The following ATAD3A variants were observed in gnomAD, a reference collection of about 807,000 sequenced individuals.
The protein encoded by ATAD3A is ATPase family AAA domain-containing protein 3A.
In ATAD3A, 46 loss-of-function variants were observed where a neutral mutation model predicts 73.8. That is an observed-to-expected ratio of 0.62 (90% CI 0.49 to 0.80). ATAD3A has a LOEUF of 0.80. ATAD3A is among the 30% of genes least tolerant of loss of function. The pLI, the probability that ATAD3A is intolerant of heterozygous loss-of-function variation, is 0.00. For synonymous variants in ATAD3A, 319 were observed against 350.0 expected (o/e 0.91, Z 0.99); for missense variants, 705 against 838.0 (o/e 0.84, Z 1.96).
chr1:1,514,054 G>A (rs1300349303), intron 1 of ATAD3A, among the ~76,000 whole-genome samples: 2 of 152,114 alleles, frequency 1.3e-5, no homozygotes, highest in Non-Finnish European at 2.9e-5. Flanking sequence ...GGAGAGCCTC[G>A]TGCCCTGTGG....
At chr1:1,526,376 A>G in intron 12 of ATAD3A, 85 bp from the exon 13 acceptor site, 10 of 1,567,400 alleles carry the variant, frequency 6.4e-6, no homozygotes, top group Non-Finnish European at 8.6e-6. Context: ...TGCTCCCTGC[A>G]GGAGGGAGGC....
chr1:1,529,311 C>A lies in ATAD3A; in HGVS notation c.1594C>A (p.Gln532Lys). The A allele has an allele frequency of 6.3e-7, 1 of 1,595,946 alleles. No homozygotes were observed. The highest frequency in any genetic ancestry group is 8.5e-7 in the Non-Finnish European group (1 of 1,172,306). ...TEGMSGREIA[Q>K]LAVSWQATAY... ...GGGCATGTCGGGCCGGGAGATCGCT[C>A]AGCTGGCCGTGTCCTGGCAGGTGAG... The change falls in exon 15 of 16, where the codon CAG (glutamine) becomes AAG (lysine). Residue 532 changes from glutamine (Q) to lysine (K), a missense_variant. Physicochemically the swap from Gln to Lys is moderately conservative, Grantham distance 53. Around this residue, in one of 5 missense-constraint regions of ATAD3A, gnomAD observed 252 missense variants for 278.5 expected, o/e 0.90. Transcript: ENST00000378756.
Position 1,522,831 on chromosome 1 carries a change from G to A in ATAD3A, c.838G>A (p.Gly280Arg). 1 of 1,610,704 alleles carries A rather than the reference G, an allele frequency of 6.2e-7. No homozygotes were observed. The highest frequency in any genetic ancestry group is 8.5e-7 in the Non-Finnish European group (1 of 1,179,728). The stretch of plus-strand genomic sequence containing the variant: ...CGGCCGCTTCATCGAGGCTCGGCTG[G>A]GGAAGCCGTCCCTAGTGAGGGAGAC... ...VAGRFIEARL[G>R]KPSLVRETSR... The change falls in exon 8 of 16, where the codon GGG (glycine) becomes AGG (arginine). Residue 280 changes from glycine (G) to arginine (R), a missense_variant. Gly to Arg is a moderately radical substitution (Grantham distance 125). Coordinates refer to ENST00000378756, the MANE Select transcript of ATAD3A (RefSeq NM_001170535.3).
At chr1:1,521,554 CGTG>C (rs1641601222) in intron 7 of ATAD3A, among the ~76,000 whole-genome samples, 1 of 152,176 alleles carries the variant, frequency 6.6e-6, no homozygotes, top group South Asian at 2.1e-4. Context: ...CTTGCTCTGC[CGTG>C]GTGCCGGCGC....
intron 15 of ATAD3A, 62 bp from the exon 16 acceptor site, chr1:1,533,864 G>A: frequency 1.3e-6 from 2 of 1,576,394 alleles, no homozygotes; most frequent in Admixed American, 1.8e-5. Context: ...CGGGGCCCTG[G>A]CGTGCATTTG....
chr1:1,531,757 G>A (rs565108243), intron 15 of ATAD3A, among the ~76,000 whole-genome samples: 36 of 151,874 alleles, frequency 2.4e-4, no homozygotes, highest in Admixed American at 1.5e-3. Context: ...CAGCCTGGGC[G>A]ACAGAGCAAG....
At chr1:1,532,617 C>T (rs1234269891) in intron 15 of ATAD3A, among the ~76,000 whole-genome samples, 2 of 152,200 alleles carry the variant, frequency 1.3e-5, no homozygotes, top group East Asian at 1.9e-4. Flanking sequence ...CTGCCAGGTC[C>T]CGTGCTTCCT....
intron 14 of ATAD3A, 57 bp downstream of exon 14, chr1:1,527,919 G>T: frequency 2.0e-6 from 3 of 1,524,300 alleles, no homozygotes; most frequent in South Asian, 1.2e-5. Flanking sequence ...GGTCCACCCC[G>T]ACCCACAGTC....
In ATAD3A at chr1:1,520,111, G is replaced by A; in HGVS notation, c.515-30G>A. ...GGAGGTGGACGCGCTGCACTGCATG[G>A]TGCTGAGCTGCCCTGCCTCTCTGGG... On this transcript the variant is annotated intron_variant, in intron 5 of 15. Coordinates refer to ENST00000378756, the MANE Select transcript of ATAD3A (RefSeq NM_001170535.3). The surrounding 1 kb of genome is among the most constrained non-coding windows in gnomAD (Gnocchi z 4.0). The A allele has an allele frequency of 1.9e-6, 3 of 1,600,996 alleles. No individual in the cohort carries two copies. Among genetic ancestry groups the A allele is most frequent in the Non-Finnish European group, 1.7e-6 (2 of 1,175,880 alleles).
Position 1,534,293 on chromosome 1 carries a change from C to A in ATAD3A, c.*221C>A, listed in dbSNP as rs1425764493. 3.1e-5 allele frequency: 45 copies of A among 1,442,324 alleles called. No homozygotes were observed. The highest frequency in any genetic ancestry group is 4.0e-5 in the Non-Finnish European group (44 of 1,105,860). The allele number at this position is 1,442,324 out of a possible 1,614,324, so 89.3% of individuals were successfully genotyped here. ...AGGGAGGGGCAGGCCTCCTTCCTGC[C>A]CCTCGAGACACTCTTGGGAGATGCA... On this transcript the variant is annotated 3_prime_UTR_variant, in exon 16 of 16. Coordinates refer to ENST00000378756, the MANE Select transcript of ATAD3A (RefSeq NM_001170535.3).
chr1:1,512,354 C>T lies in ATAD3A; in HGVS notation c.86C>T (p.Ala29Val). Residue 29 changes from alanine (A) to valine (V), a missense_variant, in exon 1 of 16, where the codon GCC (alanine) becomes GTC (valine). Physicochemically the swap from Ala to Val is moderately conservative, Grantham distance 64 (BLOSUM62 0). Around this residue, in one of 5 missense-constraint regions of ATAD3A, gnomAD observed 125 missense variants for 170.6 expected, o/e 0.73. Transcript: ENST00000378756. ...CCTTTGCCGCCCGCGCAGCCCGGGG[C>T]CGAGGGCGGCGGGGACCGCGGGTTG... ...PPPLPPAQPG[A>V]EGGGDRGLGD... 1 of 1,243,464 alleles carries T rather than the reference C, an allele frequency of 8.0e-7. No individual in the cohort carries two copies. The highest frequency in any genetic ancestry group is 1.0e-6 in the Non-Finnish European group (1 of 989,600). 77.0% of individuals were successfully genotyped at this position (1,243,464 alleles called of 1,614,324 possible).
In ATAD3A at chr1:1,520,585, T is replaced by G; in HGVS notation, c.718T>G (p.Phe240Val). The change falls in exon 7 of 16, where the codon TTT becomes GTT. Residue 240 changes from phenylalanine to valine, a missense_variant. Physicochemically the swap from Phe to Val is conservative, Grantham distance 50. Around this residue, in one of 5 missense-constraint regions of ATAD3A, gnomAD observed 315 missense variants for 334.1 expected, o/e 0.94. Transcript: ENST00000378756. The surrounding 1 kb of genome is among the most constrained non-coding windows in gnomAD (Gnocchi z 4.0). ...CTTGTTTGGGGAAGGATTCCGTGCCTTTGTGACAGACTGGGACAAAGTGAC... is the reference window on the plus strand; with the variant it reads ...CTTGTTTGGGGAAGGATTCCGTGCCGTTGTGACAGACTGGGACAAAGTGAC... ...GTLFGEGFRAFVTDWDKVTAT... is the reference protein window; with the variant it reads ...GTLFGEGFRAVVTDWDKVTAT... 1 of 1,613,794 alleles carries G rather than the reference T, an allele frequency of 6.2e-7. No homozygotes were observed. The highest frequency in any genetic ancestry group is 8.5e-7 in the Non-Finnish European group (1 of 1,179,886).
chr1:1,516,899 A>G (rs1323925829), intron 2 of ATAD3A, among the ~76,000 whole-genome samples: 3 of 151,466 alleles, frequency 2.0e-5, no homozygotes. Context: ...TTTAGTAGAG[A>G]TGGGGTTTCA....
In ATAD3A at chr1:1,534,475, C is replaced by G. The variant is rs114679139; in HGVS notation, c.*403C>G. 94 of 1,082,296 alleles carry G rather than the reference C, an allele frequency of 8.7e-5. No individual in the cohort carries two copies. Among genetic ancestry groups the G allele is most frequent in the Non-Finnish European group, 1.0e-4 (87 of 844,884 alleles). The allele number at this position is 1,082,296 out of a possible 1,614,324, so 67.0% of individuals were successfully genotyped here. ...CCCACAGCAGAGCCAGGTGAGGGGG[C>G]GCCTGCCAGGGCCAGACCCAGGTGG... On this transcript the variant is annotated 3_prime_UTR_variant, in exon 16 of 16. Coordinates refer to ENST00000378756, the MANE Select transcript of ATAD3A (RefSeq NM_001170535.3).
In ATAD3A at chr1:1,520,312, C is replaced by T. The variant is rs1211868428; in HGVS notation, c.680+6C>T. The stretch of plus-strand genomic sequence containing the variant: ...ACCGTCTTGGAGTCCATCAGGTGAG[C>T]ACTGCCGAGGCCCGGGCCGGCCACA... On this transcript the variant is annotated splice_donor_region_variant and intron_variant, in intron 6 of 15. Coordinates refer to ENST00000378756, the MANE Select transcript of ATAD3A (RefSeq NM_001170535.3). The surrounding 1 kb of genome is among the most constrained non-coding windows in gnomAD (Gnocchi z 4.0). 1.2e-6 allele frequency: 2 copies of T among 1,610,932 alleles called. No individual in the cohort carries two copies. Among genetic ancestry groups the T allele is most frequent in the Admixed American group, 1.7e-5 (1 of 59,958 alleles).
At chr1:1,517,161 G>A in intron 2 of ATAD3A, 150 bp from the exon 3 acceptor site, 1 of 1,549,264 alleles carries the variant, frequency 6.5e-7, no homozygotes. Context: ...CTGATCCTGG[G>A]TGCAGATGCG....
chr1:1,530,556 G>A (rs186520555), intron 15 of ATAD3A, among the ~76,000 whole-genome samples: 27 of 107,406 alleles, frequency 2.5e-4, no homozygotes, highest in Non-Finnish European at 3.4e-4. Flanking sequence ...ATGGCCGGGC[G>A]CGGTGGCTCA....
At position 1,527,125 on chromosome 1, in the gene ATAD3A, A is replaced by G. The variant is rs563151458; in HGVS notation, c.1338-570A>G. 3.6e-4 allele frequency: 457 copies of G among 1,275,074 alleles called. 5 individuals carry two copies. The highest frequency in any genetic ancestry group is 3.3e-3 in the South Asian group (263 of 80,248). The allele number at this position is 1,275,074 out of a possible 1,614,324, so 79.0% of individuals were successfully genotyped here. ...CTCCCTAGTCCCTCCCAAGTCCCCT[A>G]ATTTTGAGTTTTCTTGGTCTCCTGG... On this transcript the variant is annotated intron_variant, in intron 13 of 15. Coordinates refer to ENST00000378756, the MANE Select transcript of ATAD3A (RefSeq NM_001170535.3).
chr1:1,520,127 C>A lies in ATAD3A; in HGVS notation c.515-14C>A, dbSNP rs759635865. 6.2e-7 allele frequency: 1 copy of A among 1,607,490 alleles called. No individual in the cohort carries two copies. Among genetic ancestry groups the A allele is most frequent in the South Asian group, 1.1e-5 (1 of 90,378 alleles). On this transcript the variant is annotated splice_polypyrimidine_tract_variant and intron_variant, in intron 5 of 15. Transcript: ENST00000378756. This position sits in a 1 kb window ranked among gnomAD's most constrained non-coding sequence, Gnocchi z 4.0. ...CACTGCATGGTGCTGAGCTGCCCTG[C>A]CTCTCTGGGGCAGCCACCGTGGAGC...
Sources: gnomAD v4.1 joint callset for allele counts (sites outside exome capture counted in the v4.1 genomes callset) on GRCh38, gnomAD v4.1.1 for gene constraint, gnomAD v4.1.1 regional missense constraint, Gnocchi (gnomAD v3.1) non-coding constraint, MANE v1.5 for transcripts, NCBI Gene and HGNC (gene_info 2026-07-23, HGNC 2026-07-21) for gene names.